NSMF: variants seen among roughly 807,000 people sequenced by gnomAD.
NSMF encodes the protein NMDA receptor synaptonuclear signaling and neuronal migration factor.
Under a neutral mutation model 71.0 loss-of-function variants are expected in NSMF, and 31 were observed. That is an observed-to-expected ratio of 0.44 (90% CI 0.33 to 0.59). The LOEUF (loss-of-function observed/expected upper bound fraction) is 0.59. Among genes scored for constraint, NSMF ranks in the 20% least tolerant of loss-of-function variants. The pLI is 0.04. For missense variants in NSMF, 673 were observed against 740.5 expected, an observed-to-expected ratio of 0.91 and a Z score of 1.06; for synonymous variants, 345 against 287.1, an observed-to-expected ratio of 1.20 and a Z score of -2.04.
Position 137,449,214 on chromosome 9 carries a change from GGCCAC to G in NSMF, c.*175_*179del, listed in dbSNP as rs1440263856. 1 of 628,802 alleles carries G rather than the reference GGCCAC, an allele frequency of 1.6e-6. No homozygotes were observed. Among genetic ancestry groups the G allele is most frequent in the East Asian group, 2.7e-5 (1 of 36,394 alleles). The allele number at this position is 628,802 out of a possible 1,614,324, so 39.0% of individuals were successfully genotyped here. On this transcript the variant is annotated 3_prime_UTR_variant, in exon 16 of 16. Transcript: ENST00000371475. ...GGCCCCCAGGGACTGCAGCCTCTGC[GGCCAC>G]GGGTGCAGCGAGGACCGGAACCCAC...
chr9:137,449,354 G>C lies in NSMF; in HGVS notation c.*40C>G. The C allele has an allele frequency of 6.5e-7, 1 of 1,548,966 alleles. No individual in the cohort carries two copies. Among genetic ancestry groups the C allele is most frequent in the Non-Finnish European group, 8.9e-7 (1 of 1,123,378 alleles). ...GCCCAGCCCCAGGTCCCGGTGCAGAGGGAGTGGCCTGATGGTGACTGGGCG... is the reference window on the plus strand; with the variant it reads ...GCCCAGCCCCAGGTCCCGGTGCAGACGGAGTGGCCTGATGGTGACTGGGCG... On this transcript the variant is annotated 3_prime_UTR_variant, in exon 16 of 16. Coordinates refer to ENST00000371475, the MANE Select transcript of NSMF (RefSeq NM_001130969.3).
Position 137,458,495 on chromosome 9 carries a change from G to T in NSMF, c.126C>A (p.Asn42Lys), listed in dbSNP as rs747191186. 9 of 1,590,498 alleles carry T rather than the reference G, an allele frequency of 5.7e-6. No homozygotes were observed. In the African/African-American group the frequency reaches 1.1e-4, roughly 19 times the overall value. Residue 42 changes from asparagine (N) to lysine (K), a missense_variant, in exon 2 of 16, where the codon AAC becomes AAA. Physicochemically the swap from Asn to Lys is moderately conservative, Grantham distance 94. Coordinates refer to ENST00000371475, the MANE Select transcript of NSMF (RefSeq NM_001130969.3). ...GGCCTCGCGTGCCCCTACCTGCGCC[G>T]TTGCGGTTCTCAGGGTGACTCTGGG... ...YLSQSHPENR[N>K]GADHLLADAY...
intron 6 of NSMF, chr9:137,454,669 T>G: frequency 6.5e-7 from 1 of 1,527,474 alleles, no homozygotes; most frequent in South Asian, 1.2e-5. Context: ...AAAGGTGCAG[T>G]GCCTGGCGCT....
intron 3 of NSMF, 130 bp from the exon 4 acceptor site, chr9:137,456,616 A>T: frequency 1.4e-6 from 1 of 713,002 alleles, no homozygotes; most frequent in Admixed American, 1.9e-5. Context: ...GGGTGGGGGG[A>T]GGGTGGCATC....
rs1304073568 is a variant in NSMF, at chr9:137,457,777, C to T, written c.258G>A (p.Glu86=). Reference sequence around the variant, plus strand: ...CGCCTGCGGGCTTCCTAATGCTGGGCTCCTCTGAGAGGCTGCCCTCGTAGC... The same window carrying T: ...CGCCTGCGGGCTTCCTAATGCTGGGTTCCTCTGAGAGGCTGCCCTCGTAGC... ...NGCYEGSLSE[E]PSIRKPAGEG... Residue 86 remains glutamate (E), a synonymous_variant, in exon 3 of 16, where the codon GAG becomes GAA. Transcript: ENST00000371475. 1.9e-6 allele frequency: 3 copies of T among 1,559,886 alleles called. No individual in the cohort carries two copies. The highest frequency in any genetic ancestry group is 1.2e-5 in the South Asian group (1 of 84,752).
intron 2 of NSMF, 143 bp downstream of exon 2, chr9:137,458,345 A>C: frequency 2.7e-6 from 2 of 752,948 alleles, no homozygotes; most frequent in East Asian, 2.7e-5. Flanking sequence ...CAGGGAGGGC[A>C]GGGGATGTAA....
In NSMF at chr9:137,453,906, C is replaced by T; in HGVS notation, c.833-86G>A. Reference sequence around the variant, plus strand: ...CCCAGGCGAGGGGACCACAGGGGCCCTGGGCAGAGGAGGAAGCTAATGTGG... The same window carrying T: ...CCCAGGCGAGGGGACCACAGGGGCCTTGGGCAGAGGAGGAAGCTAATGTGG... On this transcript the variant is annotated intron_variant, in intron 7 of 15. Transcript: ENST00000371475. This position sits in a 1 kb window ranked among gnomAD's most constrained non-coding sequence, Gnocchi z 4.5. The T allele has an allele frequency of 2.6e-6, 3 of 1,172,394 alleles. No homozygotes were observed. Among genetic ancestry groups the T allele is most frequent in the Non-Finnish European group, 3.7e-6 (3 of 819,666 alleles). 72.6% of individuals were successfully genotyped at this position (1,172,394 alleles called of 1,614,324 possible). A position where few individuals can be genotyped will look rare whatever the true frequency, so the allele number is the denominator to read the frequency against.
rs374305352 is a variant in NSMF at position 137,453,215 on chromosome 9, C to T, written c.923-35G>A. 31 of 1,610,846 alleles carry T rather than the reference C, an allele frequency of 1.9e-5. No individual in the cohort carries two copies. The highest frequency in any genetic ancestry group is 2.2e-5 in the East Asian group (1 of 44,878). Reference sequence around the variant, plus strand: ...AAGAGGGTCACCAGGACAGCAGGCCCGGCAGCACCTCCTATCCTGGCCATG... The same window carrying T: ...AAGAGGGTCACCAGGACAGCAGGCCTGGCAGCACCTCCTATCCTGGCCATG... On this transcript the variant is annotated intron_variant, in intron 8 of 15. Transcript: ENST00000371475. This position sits in a 1 kb window ranked among gnomAD's most constrained non-coding sequence, Gnocchi z 4.5.
intron 3 of NSMF, 117 bp from the exon 4 acceptor site, chr9:137,456,603 G>A: frequency 1.4e-6 from 1 of 711,556 alleles, no homozygotes; most frequent in South Asian, 1.4e-5. Context: ...TGGCAGCCAG[G>A]GCGGGTGGGG....
At chr9:137,456,235 G>A in intron 4 of NSMF, 176 bp downstream of exon 4, 1 of 722,254 alleles carries the variant, frequency 1.4e-6, no homozygotes, top group South Asian at 1.4e-5. Context: ...ACCAGCCATG[G>A]GAGGGGAAGA....
chr9:137,454,231 G>A (rs1477936587), intron 7 of NSMF, among the ~76,000 whole-genome samples, 160 bp downstream of exon 7: 1 of 141,496 alleles, frequency 7.1e-6, no homozygotes, highest in Admixed American at 7.0e-5. Context: ...GAGGGGAGGA[G>A]CCTGGGCCGG....
At position 137,457,436 on chromosome 9, in the gene NSMF, T is replaced by C; in HGVS notation, c.599A>G (p.Glu200Gly). 1 of 1,612,814 alleles carries C rather than the reference T, an allele frequency of 6.2e-7. No homozygotes were observed. Among genetic ancestry groups the C allele is most frequent in the Non-Finnish European group, 8.5e-7 (1 of 1,179,964 alleles). Reference protein sequence around the residue: ...PETSGRRKKLERMYSVDRVSD... With the variant: ...PETSGRRKKLGRMYSVDRVSD... The stretch of plus-strand genomic sequence containing the variant: ...CACACGGTCAACGCTGTACATCCTC[T>C]CCAGCTTCTTGCGGCGACCGGAGGT... Residue 200 changes from glutamate (E) to glycine (G), a missense_variant, in exon 3 of 16, where the codon GAG becomes GGG. Glu to Gly is a moderately conservative substitution (Grantham distance 98). Coordinates refer to ENST00000371475, the MANE Select transcript of NSMF (RefSeq NM_001130969.3).
At chr9:137,452,670 C>T (rs756836030) in intron 10 of NSMF, 66 bp downstream of exon 10, 10 of 1,601,070 alleles carry the variant, frequency 6.2e-6, no homozygotes, top group Admixed American at 3.4e-5. Context: ...CCTGGGGTGC[C>T]GGCGCTGGCC....
rs763657046 is a variant in NSMF, at chr9:137,453,162, G to C, written c.941C>G (p.Ser314Cys). The C allele has an allele frequency of 2.5e-6, 4 of 1,612,520 alleles. No homozygotes were observed. Among genetic ancestry groups the C allele is most frequent in the Non-Finnish European group, 8.5e-7 (1 of 1,179,892 alleles). ...DSRDSSDLQS[S>C]HCTLDEAFED... ...GAAGGCCTCGTCCAGCGTGCAGTGG[G>C]AGCTCTGCAGGTCACTGCCTGGGAA... Residue 314 changes from serine (S) to cysteine (C), a missense_variant, in exon 9 of 16, where the codon TCC becomes TGC. By Grantham distance (112) the Ser-to-Cys change is moderately radical. This residue lies in a region of NSMF where 471 missense variants were observed against 459.6 expected (regional missense o/e 1.02). Transcript: ENST00000371475. The surrounding 1 kb of genome is among the most constrained non-coding windows in gnomAD (Gnocchi z 4.5).
rs1839738922 is a variant in NSMF at position 137,448,834 on chromosome 9, A to G, written c.*560T>C. 1 of 195,412 alleles carries G rather than the reference A, an allele frequency of 5.1e-6. No homozygotes were observed. Among genetic ancestry groups the G allele is most frequent in the East Asian group, 1.3e-4 (1 of 7,656 alleles). 12.1% of individuals were successfully genotyped at this position (195,412 alleles called of 1,614,324 possible). On this transcript the variant is annotated 3_prime_UTR_variant, in exon 16 of 16. Transcript: ENST00000371475. This position sits in a 1 kb window ranked among gnomAD's most constrained non-coding sequence, Gnocchi z 5.3. ...TCGGCCAGTGTAGACAGACCCAGAG[A>G]CTCGGCCAGTGTAGACAGAGCCAGG...
chr9:137,455,219 G>A lies in NSMF; in HGVS notation c.779+20C>T, dbSNP rs753299191. 1.8e-5 allele frequency: 29 copies of A among 1,611,928 alleles called. No individual in the cohort carries two copies. The African/African-American group carries it at 3.2e-4, about 18-fold the overall frequency. On this transcript the variant is annotated intron_variant, in intron 6 of 15. Transcript: ENST00000371475. ...CAGACCAGAGATGGACCCTGGTGGC[G>A]AGTGGCTGGCAGGCCCTACCTCTGG...
chr9:137,453,984 G>A lies in NSMF; in HGVS notation c.833-164C>T, dbSNP rs569887779. Among the ~76,000 whole-genome samples, 85 of 152,144 alleles carry A rather than the reference G, an allele frequency of 5.6e-4. No individual in the cohort carries two copies. The highest frequency in any genetic ancestry group is 2.0e-3 in the African/African-American group (82 of 41,494). Reference sequence around the variant, plus strand: ...ACGGACCAGAGGCTCGGTTGGTTCAGGGGCAGGATCTGAGAACACTGGGGC... The same window carrying A: ...ACGGACCAGAGGCTCGGTTGGTTCAAGGGCAGGATCTGAGAACACTGGGGC... On this transcript the variant is annotated intron_variant, in intron 7 of 15. Coordinates refer to ENST00000371475, the MANE Select transcript of NSMF (RefSeq NM_001130969.3). The surrounding 1 kb of genome is among the most constrained non-coding windows in gnomAD (Gnocchi z 4.5).
intron 6 of NSMF, chr9:137,454,838 G>T: frequency 8.1e-7 from 1 of 1,233,560 alleles, no homozygotes; most frequent in South Asian, 1.5e-5. Flanking sequence ...ATGGCGGGCT[G>T]GGGGCCTGCA....
In NSMF at chr9:137,453,945, C is replaced by A. The variant is rs1399939611; in HGVS notation, c.833-125G>T. The A allele has an allele frequency of 5.1e-6, 4 of 777,358 alleles. No individual in the cohort carries two copies. The African/African-American group carries it at 5.2e-5, about 10-fold the overall frequency. 48.2% of individuals were successfully genotyped at this position (777,358 alleles called of 1,614,324 possible). ...AAGCTAATGTGGGTGGGGTCTAAGG[C>A]ACATGAAGCAGACACGGACCAGAGG... On this transcript the variant is annotated intron_variant, in intron 7 of 15. Coordinates refer to ENST00000371475, the MANE Select transcript of NSMF (RefSeq NM_001130969.3). This position sits in a 1 kb window ranked among gnomAD's most constrained non-coding sequence, Gnocchi z 4.5.
Sources: gnomAD v4.1 joint callset for allele counts (sites outside exome capture counted in the v4.1 genomes callset) on GRCh38, gnomAD v4.1.1 for gene constraint, gnomAD v4.1.1 regional missense constraint, Gnocchi (gnomAD v3.1) non-coding constraint, MANE v1.5 for transcripts, NCBI Gene and HGNC (gene_info 2026-07-23, HGNC 2026-07-21) for gene names.